EIF2B3: variants seen among roughly 807,000 people sequenced by gnomAD.
EIF2B3 encodes translation initiation factor eIF2B subunit gamma.
Under a neutral mutation model 54.1 loss-of-function variants are expected in EIF2B3, and 20 were observed. That is an observed-to-expected ratio of 0.37 (90% CI 0.26 to 0.54). The LOEUF is 0.54. Ranked by LOEUF, EIF2B3 falls within the 20% of genes least tolerant of loss-of-function variation. The probability of loss-of-function intolerance (pLI) is 0.86; values close to 1 mark genes in which losing one functional copy is unlikely to be tolerated. For synonymous variants in EIF2B3, 153 were observed against 188.1 expected (o/e 0.81, Z 1.52); for missense variants, 448 against 547.8 (o/e 0.82, Z 1.82).
chr1:44,851,035 A>G (rs1170485323), intron 11 of EIF2B3, 32 bp from the exon 12 acceptor site: 2 of 1,608,586 alleles, frequency 1.2e-6, no homozygotes, highest in African/African-American at 2.7e-5. Flanking sequence ...GTTTTCTGAG[A>G]ACTGGCAGCA....
At chr1:44,955,838 G>C (rs965101171) in intron 3 of EIF2B3, among the ~76,000 whole-genome samples, 2 of 152,136 alleles carry the variant, frequency 1.3e-5, no homozygotes, top group African/African-American at 2.4e-5. Flanking sequence ...TTAGAATGGC[G>C]ATCATTAAAA....
intron 5 of EIF2B3, chr1:44,925,293 G>C (rs1440101599): frequency 6.6e-6 from 1 of 152,080 alleles, no homozygotes; most frequent in Non-Finnish European, 1.5e-5. Flanking sequence ...TCAAATGTCT[G>C]TCAGAAGATA....
chr1:44,935,231 A>G (rs1368667004), intron 4 of EIF2B3, among the ~76,000 whole-genome samples: 1 of 152,240 alleles, frequency 6.6e-6, no homozygotes, highest in Non-Finnish European at 1.5e-5. Flanking sequence ...AAATCATGAT[A>G]GTATTAAACA....
chr1:44,972,240 C>A (rs949811189), intron 3 of EIF2B3, among the ~76,000 whole-genome samples: 1 of 115,038 alleles, frequency 8.7e-6, no homozygotes, highest in Non-Finnish European at 1.8e-5. Flanking sequence ...AATACACACA[C>A]ACACACACAA....
At chr1:44,952,900 C>T (rs114508661) in intron 3 of EIF2B3, among the ~76,000 whole-genome samples, 1,622 of 152,274 alleles carry the variant, frequency 0.011, 33 homozygotes, top group African/African-American at 0.037. Context: ...CACCAGATCA[C>T]AGTCCCTCTC....
At chr1:44,886,782 T>A (rs1028990699) in intron 6 of EIF2B3, among the ~76,000 whole-genome samples, 1 of 152,222 alleles carries the variant, frequency 6.6e-6, no homozygotes, top group Non-Finnish European at 1.5e-5. Flanking sequence ...CGTCACTTCC[T>A]TTTTTTGTCT....
Position 44,986,133 on chromosome 1 carries a change from C to CT in EIF2B3, c.-10+359dup, listed in dbSNP as rs34281328. ...CCCCGAAACTTCGTTTCTTTCTTTT[C>CT]TTTTCTTTTTTTTTTTTTTTTTGAA... is the stretch of plus-strand genomic sequence containing the variant. On this transcript the variant is annotated intron_variant, in intron 1 of 11. Coordinates refer to ENST00000360403, the MANE Select transcript of EIF2B3 (RefSeq NM_020365.5). Among the ~76,000 whole-genome samples, 24 of 93,554 alleles carry CT rather than the reference C, an allele frequency of 2.6e-4. 1 individual carries two copies. The highest frequency in any genetic ancestry group is 1.3e-3 in the South Asian group (4 of 3,016). 61.4% of individuals were successfully genotyped at this position (93,554 alleles called of 152,430 possible).
chr1:44,970,878 T>C (rs956615046), intron 3 of EIF2B3, among the ~76,000 whole-genome samples: 20 of 152,120 alleles, frequency 1.3e-4, no homozygotes, highest in African/African-American at 4.3e-4. Context: ...TCAGGGGCTA[T>C]TGTAGTAAGA....
chr1:44,885,852 A>G (rs1158796335), intron 6 of EIF2B3, among the ~76,000 whole-genome samples: 1 of 150,962 alleles, frequency 6.6e-6, no homozygotes, highest in Non-Finnish European at 1.5e-5. Context: ...CTCCTGCCTC[A>G]GCCTTTTGAG....
intron 3 of EIF2B3, among the ~76,000 whole-genome samples, chr1:44,949,796 T>C (rs2148947543): frequency 6.6e-6 from 1 of 152,366 alleles, no homozygotes; most frequent in East Asian, 1.9e-4. Context: ...GCTCAACATT[T>C]ATGGTTCTAA....
At chr1:44,985,096 G>A (rs11802780) in intron 1 of EIF2B3, among the ~76,000 whole-genome samples, 33,652 of 151,892 alleles carry the variant, frequency 0.22, 4,031 homozygotes, top group Admixed American at 0.32. Context: ...GTGAGCCACC[G>A]CGCCCGGCCA....
chr1:44,939,450 G>T (rs1371361674), intron 4 of EIF2B3, among the ~76,000 whole-genome samples: 1 of 152,166 alleles, frequency 6.6e-6, no homozygotes, highest in African/African-American at 2.4e-5. Flanking sequence ...ATTTAAAATA[G>T]AATTATGTTG....
chr1:44,923,234 C>G (rs191897590), intron 5 of EIF2B3, among the ~76,000 whole-genome samples: 12 of 152,270 alleles, frequency 7.9e-5, no homozygotes, highest in Non-Finnish European at 1.0e-4. Context: ...TTTGACTGCT[C>G]TAGCTAGGAC....
intron 3 of EIF2B3, chr1:44,959,119 G>T: frequency 1.3e-6 from 1 of 763,766 alleles, no homozygotes; most frequent in Non-Finnish European, 2.3e-6. Context: ...CATCCCTATT[G>T]CTAACCGTGA....
intron 1 of EIF2B3, among the ~76,000 whole-genome samples, chr1:44,985,049 A>G (rs1569903868): frequency 6.7e-6 from 1 of 148,396 alleles, no homozygotes; most frequent in African/African-American, 2.5e-5. Context: ...CTCATGATCC[A>G]CCCGCCTCGG....
intron 3 of EIF2B3, among the ~76,000 whole-genome samples, chr1:44,966,548 A>G (rs1644343351): frequency 6.6e-6 from 1 of 152,088 alleles, no homozygotes; most frequent in South Asian, 2.1e-4. Flanking sequence ...CAGGAACCAG[A>G]AAAGACAGAT....
At chr1:44,906,717 C>A (rs1643418697) in intron 5 of EIF2B3, among the ~76,000 whole-genome samples, 1 of 152,162 alleles carries the variant, frequency 6.6e-6, no homozygotes, top group African/African-American at 2.4e-5. Flanking sequence ...TATTATGAAA[C>A]AACCTAGCTC....
chr1:44,868,224 C>T (rs2148898047), intron 10 of EIF2B3, among the ~76,000 whole-genome samples: 1 of 151,974 alleles, frequency 6.6e-6, no homozygotes, highest in East Asian at 1.9e-4. Context: ...TGGTGAAACC[C>T]CGTCTCTACT....
At chr1:44,964,255 C>T (rs1406751555) in intron 3 of EIF2B3, among the ~76,000 whole-genome samples, 3 of 152,074 alleles carry the variant, frequency 2.0e-5, no homozygotes, top group East Asian at 1.9e-4. Flanking sequence ...CTGAGGCTGT[C>T]GTAAGCAACC....
Sources: allele counts gnomAD v4.1 joint callset (sites outside exome capture counted in the v4.1 genomes callset), GRCh38; gene constraint gnomAD v4.1.1; transcripts MANE v1.5; gene names NCBI Gene and HGNC (gene_info 2026-07-23, HGNC 2026-07-21).